The following FRMD4B variants were observed in gnomAD, a reference collection of about 807,000 sequenced individuals.
The protein encoded by FRMD4B is FERM domain containing 4B.
A neutral mutation model predicts 141.5 loss-of-function variants in FRMD4B; 74 were observed. That is an observed-to-expected ratio of 0.52 (90% confidence interval 0.43 to 0.63). The LOEUF is 0.63. Among genes scored for constraint, FRMD4B ranks in the 30% least tolerant of loss-of-function variants. FRMD4B has a pLI of 0.00. For missense variants in FRMD4B, 1,366 were observed against 1,253.4 expected (o/e 1.09, Z -1.36); for synonymous variants, 506 against 467.9 (o/e 1.08, Z -1.05).
intron 5 of FRMD4B, among the ~76,000 whole-genome samples, chr3:69,260,096 A>G (rs932573836): frequency 6.6e-6 from 1 of 152,020 alleles, no homozygotes; most frequent in African/African-American, 2.4e-5. Flanking sequence ...CATCCTATTG[A>G]GAGGTGACAA....
chr3:69,344,258 C>T (rs895403412), intron 1 of FRMD4B, among the ~76,000 whole-genome samples: 8 of 152,116 alleles, frequency 5.3e-5, no homozygotes, highest in African/African-American at 1.2e-4. Flanking sequence ...AGTGGCTCTA[C>T]AGGCATCTGG....
At chr3:69,231,463 T>G (rs749282616) in intron 7 of FRMD4B, among the ~76,000 whole-genome samples, 2 of 152,332 alleles carry the variant, frequency 1.3e-5, no homozygotes, top group Non-Finnish European at 2.9e-5. Context: ...AATTTTTGTA[T>G]TTTTAGTAGA....
At chr3:69,524,944 T>C (rs1401216388) in intron 1 of FRMD4B, among the ~76,000 whole-genome samples, 1 of 152,108 alleles carries the variant, frequency 6.6e-6, no homozygotes, top group Non-Finnish European at 1.5e-5. Context: ...CACTTGCAGA[T>C]TGCATCACAG....
At chr3:69,404,741 A>G (rs1559517918) in intron 2 of FRMD4B, among the ~76,000 whole-genome samples, 1 of 152,104 alleles carries the variant, frequency 6.6e-6, no homozygotes, top group Non-Finnish European at 1.5e-5. Context: ...AGCAGCTTGG[A>G]ATGAGGACAC....
At chr3:69,285,682 A>C (rs1700660194) in intron 5 of FRMD4B, among the ~76,000 whole-genome samples, 1 of 152,100 alleles carries the variant, frequency 6.6e-6, no homozygotes, top group South Asian at 2.1e-4. Flanking sequence ...CATTGCTACA[A>C]AAAATACAAA....
intron 1 of FRMD4B, among the ~76,000 whole-genome samples, chr3:69,380,970 T>C (rs1432491753): frequency 6.6e-6 from 1 of 152,232 alleles, no homozygotes; most frequent in Non-Finnish European, 1.5e-5. Context: ...ACCTAATTAA[T>C]TGCTATAACA....
chr3:69,458,451 ATTTAAACTG>A (rs1430406901), intron 1 of FRMD4B, among the ~76,000 whole-genome samples: 1 of 152,206 alleles, frequency 6.6e-6, no homozygotes, highest in Non-Finnish European at 1.5e-5. Context: ...AGAAGACAAC[ATTTAAACTG>A]GGTCTTAAAG....
chr3:69,541,838 C>G (rs1461978978), intron 1 of FRMD4B, among the ~76,000 whole-genome samples: 1 of 150,646 alleles, frequency 6.6e-6, no homozygotes, highest in African/African-American at 2.4e-5. Context: ...GGGGCCAGAT[C>G]TGGGCTTCAT....
At chr3:69,464,230 T>G (rs1705748584) in intron 1 of FRMD4B, among the ~76,000 whole-genome samples, 1 of 152,206 alleles carries the variant, frequency 6.6e-6, no homozygotes, top group Non-Finnish European at 1.5e-5. Flanking sequence ...TAACTTTTTT[T>G]GCCCATTAAT....
chr3:69,452,285 A>C (rs937662292), intron 1 of FRMD4B, among the ~76,000 whole-genome samples: 1 of 152,254 alleles, frequency 6.6e-6, no homozygotes, highest in Non-Finnish European at 1.5e-5. Context: ...ACAAAGAAGA[A>C]GACAGTATTG....
chr3:69,295,073 A>G (rs1700994274), intron 4 of FRMD4B, among the ~76,000 whole-genome samples: 1 of 152,146 alleles, frequency 6.6e-6, no homozygotes, highest in Non-Finnish European at 1.5e-5. Flanking sequence ...AATAGTTAAC[A>G]TTTATATAGG....
Position 69,171,928 on chromosome 3 carries a change from T to C in FRMD4B, c.3038A>G (p.Asp1013Gly). The C allele has an allele frequency of 6.2e-7, 1 of 1,612,682 alleles. No homozygotes were observed. Among genetic ancestry groups the C allele is most frequent in the Non-Finnish European group, 8.5e-7 (1 of 1,178,654 alleles). Residue 1013 changes from aspartate (D) to glycine (G), a missense_variant, in exon 23 of 23, where the codon GAC becomes GGC. Asp to Gly is a moderately conservative substitution (Grantham distance 94). Coordinates refer to ENST00000398540, the MANE Select transcript of FRMD4B (RefSeq NM_015123.3). ...LDGTDGNQLEDNLESSEQRLF... is the reference protein window; with the variant it reads ...LDGTDGNQLEGNLESSEQRLF... ...TCTCTGCTCACTACTCTCCAGGTTG[T>C]CTTCCAGCTGGTTTCCATCTGTACC... is the stretch of plus-strand genomic sequence containing the variant.
chr3:69,502,215 C>T (rs1391792532), intron 1 of FRMD4B, among the ~76,000 whole-genome samples: 4 of 152,186 alleles, frequency 2.6e-5, no homozygotes, highest in East Asian at 3.8e-4. Flanking sequence ...AAAGAGCCTG[C>T]ATTGCCAAGT....
Position 69,194,697 on chromosome 3 carries a change from C to T in FRMD4B, c.1488+325G>A, listed in dbSNP as rs112712744. On this transcript the variant is annotated intron_variant, in intron 16 of 22. Transcript: ENST00000398540. ...CCTGAGAAATGAGACTTTAGAGAGG[C>T]TAAACTATTTGACAAAGGCTATTAT... 2.6e-3 allele frequency among the ~76,000 whole-genome samples: 396 copies of T among 152,278 alleles called. 2 individuals are homozygous for T. The highest frequency in any genetic ancestry group is 7.8e-3 in the African/African-American group (324 of 41,566).
intron 1 of FRMD4B, among the ~76,000 whole-genome samples, chr3:69,458,709 T>C (rs1243923586): frequency 6.6e-6 from 1 of 152,146 alleles, no homozygotes; most frequent in Admixed American, 6.5e-5. Flanking sequence ...TTGGCCATTA[T>C]GATTCAAACA....
intron 4 of FRMD4B, among the ~76,000 whole-genome samples, chr3:69,289,756 G>A (rs1335780325): frequency 2.0e-5 from 3 of 152,094 alleles, no homozygotes; most frequent in Non-Finnish European, 4.4e-5. Context: ...CCAAGATTAT[G>A]CCACTACAAC....
At chr3:69,406,486 G>T (rs1288673149) in intron 2 of FRMD4B, among the ~76,000 whole-genome samples, 1 of 152,154 alleles carries the variant, frequency 6.6e-6, no homozygotes, top group African/African-American at 2.4e-5. Flanking sequence ...AAATAGCCTT[G>T]CCACATTTCC....
intron 1 of FRMD4B, among the ~76,000 whole-genome samples, chr3:69,479,650 C>T (rs1488612589): frequency 2.0e-5 from 3 of 152,094 alleles, no homozygotes; most frequent in African/African-American, 7.2e-5. Context: ...TTTTTTCCTT[C>T]ATTTCAACTT....
At chr3:69,508,429 T>C (rs758082518) in intron 1 of FRMD4B, among the ~76,000 whole-genome samples, 1 of 152,186 alleles carries the variant, frequency 6.6e-6, no homozygotes, top group Non-Finnish European at 1.5e-5. Context: ...GACAAATTAC[T>C]GTTGGGACAA....
Sources: gnomAD v4.1 joint callset for allele counts (sites outside exome capture counted in the v4.1 genomes callset) on GRCh38, gnomAD v4.1.1 for gene constraint, MANE v1.5 for transcripts, NCBI Gene and HGNC (gene_info 2026-07-23, HGNC 2026-07-21) for gene names.